Variants in MACROD2 observed in about 807,000 individuals in gnomAD.
MACROD2 encodes the protein mono-ADP ribosylhydrolase 2.
A neutral mutation model predicts 70.4 loss-of-function variants in MACROD2; 36 were observed. The observed-to-expected ratio is 0.51, with a 90% CI of 0.39 to 0.68. MACROD2 has a LOEUF of 0.68. MACROD2 is among the 30% of genes least tolerant of loss of function. The pLI is 0.00. For missense variants in MACROD2, 496 were observed against 538.4 expected (o/e 0.92, Z 0.78); for synonymous variants, 172 against 178.8 (o/e 0.96, Z 0.30).
At chr20:14,033,962 T>TTTTATTTA (rs71190108) in intron 2 of MACROD2, among the ~76,000 whole-genome samples, 23,767 of 150,080 alleles carry the variant, frequency 0.16, 1,949 homozygotes, top group East Asian at 0.2. Flanking sequence ...CCTATTTTTA[T>TTTTATTTA]TTTATTTATT....
At position 15,837,487 on chromosome 20, in the gene MACROD2, T is replaced by C. The variant is rs193205707; in HGVS notation, c.646-25258T>C. Among the ~76,000 whole-genome samples the C allele has an allele frequency of 2.4e-3, 361 of 152,284 alleles. 5 individuals carry two copies. Among genetic ancestry groups the C allele is most frequent in the Admixed American group, 0.023 (348 of 15,286 alleles). ...CACAAGAACCCCTCGAGGGCTCTACTGTGTCCTCAGTAGCAGACACTGTAT... is the reference window on the plus strand; with the variant it reads ...CACAAGAACCCCTCGAGGGCTCTACCGTGTCCTCAGTAGCAGACACTGTAT... On this transcript the variant is annotated intron_variant, in intron 8 of 17. Coordinates refer to ENST00000684519, the MANE Select transcript of MACROD2 (RefSeq NM_001351661.2).
chr20:14,300,565 C>CT (rs1271739504), intron 3 of MACROD2, among the ~76,000 whole-genome samples: 1 of 152,120 alleles, frequency 6.6e-6, no homozygotes, highest in Non-Finnish European at 1.5e-5. Context: ...TTCCATGTGC[C>CT]TTTGAGTCTT....
chr20:14,470,060 G>T (rs981894034), intron 3 of MACROD2, among the ~76,000 whole-genome samples: 3 of 152,054 alleles, frequency 2.0e-5, no homozygotes, highest in African/African-American at 7.2e-5. Flanking sequence ...ATTCATTTTT[G>T]TGGATTTATC....
At chr20:15,434,339 A>T (rs942423043) in intron 7 of MACROD2, among the ~76,000 whole-genome samples, 3 of 151,814 alleles carry the variant, frequency 2.0e-5, no homozygotes, top group African/African-American at 7.2e-5. Context: ...AAGAAAAAAA[A>T]AATCCCATAA....
At chr20:15,032,220 A>T (rs1450110334) in intron 5 of MACROD2, among the ~76,000 whole-genome samples, 1 of 152,144 alleles carries the variant, frequency 6.6e-6, no homozygotes, top group African/African-American at 2.4e-5. Flanking sequence ...GAGTACAGGG[A>T]TTCCTGGGTC....
At chr20:14,646,466 T>C (rs1383023743) in intron 4 of MACROD2, among the ~76,000 whole-genome samples, 1 of 152,118 alleles carries the variant, frequency 6.6e-6, no homozygotes, top group Non-Finnish European at 1.5e-5. Context: ...ACTATTATGT[T>C]ATCTGTTATA....
chr20:14,182,159 A>G (rs80069813), intron 3 of MACROD2, among the ~76,000 whole-genome samples: 1,831 of 152,294 alleles, frequency 0.012, 19 homozygotes, highest in South Asian at 0.037. Flanking sequence ...ATAATTTTCC[A>G]TTAAAGGAAA....
chr20:14,014,154 G>A (rs186011378), intron 2 of MACROD2, among the ~76,000 whole-genome samples: 8 of 152,008 alleles, frequency 5.3e-5, no homozygotes, highest in Non-Finnish European at 7.4e-5. Flanking sequence ...TTTGGTCAGC[G>A]TGAACAGATA....
intron 5 of MACROD2, among the ~76,000 whole-genome samples, chr20:15,080,171 T>A (rs960896915): frequency 1.3e-5 from 2 of 151,488 alleles, no homozygotes; most frequent in Admixed American, 1.3e-4. Flanking sequence ...ACATCCTCTC[T>A]CCTGTGTCCC....
intron 10 of MACROD2, among the ~76,000 whole-genome samples, chr20:15,927,540 C>T (rs1290390618): frequency 2.0e-5 from 3 of 152,000 alleles, no homozygotes; most frequent in African/African-American, 7.2e-5. Context: ...GAGATAAAGT[C>T]GAATACGACG....
At chr20:15,424,650 T>A (rs1214930788) in intron 6 of MACROD2, among the ~76,000 whole-genome samples, 1 of 152,098 alleles carries the variant, frequency 6.6e-6, no homozygotes, top group Non-Finnish European at 1.5e-5. Context: ...AGCACAGGAC[T>A]TTGAGGCTGC....
At chr20:14,517,304 A>T (rs1388312314) in intron 4 of MACROD2, among the ~76,000 whole-genome samples, 1 of 152,184 alleles carries the variant, frequency 6.6e-6, no homozygotes, top group Non-Finnish European at 1.5e-5. Context: ...CCCATCAATG[A>T]TAGACTGGAT....
At chr20:15,172,625 G>A (rs1356654191) in intron 5 of MACROD2, among the ~76,000 whole-genome samples, 1 of 152,094 alleles carries the variant, frequency 6.6e-6, no homozygotes, top group Non-Finnish European at 1.5e-5. Flanking sequence ...TCCCTGGCTG[G>A]TCTTGAAGTC....
At chr20:15,041,230 C>T (rs2075353854) in intron 5 of MACROD2, among the ~76,000 whole-genome samples, 1 of 152,088 alleles carries the variant, frequency 6.6e-6, no homozygotes, top group Non-Finnish European at 1.5e-5. Flanking sequence ...AAGGGCGTGA[C>T]AAATTTTTGT....
intron 5 of MACROD2, among the ~76,000 whole-genome samples, chr20:14,811,202 C>CGTAAA (rs2072706487): frequency 6.6e-6 from 1 of 151,842 alleles, no homozygotes; most frequent in Non-Finnish European, 1.5e-5. Context: ...ACAAGGCTAC[C>CGTAAA]GTAACCAAAA....
chr20:15,331,948 GTA>G (rs1248680641), intron 6 of MACROD2, among the ~76,000 whole-genome samples: 1 of 151,528 alleles, frequency 6.6e-6, no homozygotes, highest in Non-Finnish European at 1.5e-5. Context: ...AAAGAAAATA[GTA>G]TATATCGACC....
chr20:15,607,476 T>C (rs148859187), intron 8 of MACROD2, among the ~76,000 whole-genome samples: 1 of 152,326 alleles, frequency 6.6e-6, no homozygotes, highest in East Asian at 1.9e-4. Context: ...GTACTCTAAA[T>C]AGCTTATTTT....
intron 3 of MACROD2, among the ~76,000 whole-genome samples, chr20:14,098,496 A>T (rs1004311962): frequency 6.6e-6 from 1 of 152,204 alleles, no homozygotes; most frequent in Non-Finnish European, 1.5e-5. Flanking sequence ...TGTATAGATA[A>T]CCATTTAATA....
At chr20:14,076,200 T>C (rs1037650346) in intron 2 of MACROD2, among the ~76,000 whole-genome samples, 3 of 152,112 alleles carry the variant, frequency 2.0e-5, no homozygotes, top group African/African-American at 4.8e-5. Flanking sequence ...GTTATATATA[T>C]GTGATATTTT....
Sources: allele counts gnomAD v4.1 joint callset (sites outside exome capture counted in the v4.1 genomes callset), GRCh38; gene constraint gnomAD v4.1.1; transcripts MANE v1.5; gene names NCBI Gene and HGNC (gene_info 2026-07-23, HGNC 2026-07-21).